Variants in OR7C1 observed in about 807,000 individuals in gnomAD.
OR7C1 encodes the protein olfactory receptor family 7 subfamily C member 1, also known as olfactory receptor 7C1.
For missense variants in OR7C1, 324 were observed against 383.3 expected (o/e 0.85, Z 1.29); for synonymous variants, 152 against 160.7 (o/e 0.95, Z 0.41).
chr19:14,827,742 G>C (rs1336324434), intron 1 of OR7C1: 1 of 1,614,104 alleles, frequency 6.2e-7, no homozygotes, highest in Admixed American at 1.7e-5. Flanking sequence ...TGTGCAGAAG[G>C]ACAGCCGTAC....
chr19:14,815,841 A>G (rs1185580936), intron 1 of OR7C1, among the ~76,000 whole-genome samples: 2 of 150,434 alleles, frequency 1.3e-5, no homozygotes, highest in Non-Finnish European at 3.0e-5. Context: ...GTGTGTGTTG[A>G]GACAAGGTCT....
At chr19:14,802,769 C>T (rs550052471) in intron 2 of OR7C1, among the ~76,000 whole-genome samples, 19 of 152,250 alleles carry the variant, frequency 1.2e-4, no homozygotes, top group Non-Finnish European at 7.4e-5. Flanking sequence ...AAATTTCTCA[C>T]GTATTCCTGG....
In OR7C1 at chr19:14,828,351, T is replaced by G. The variant is rs942854488; in HGVS notation, c.-623+6723A>C. On this transcript the variant is annotated intron_variant, in intron 1 of 4. Transcript: ENST00000641666. ...TTTATATTTTATAGCCAATAAATTA[T>G]CTTACATTTTGTGTATGAATCTGGT... 1.1e-4 allele frequency: 141 copies of G among 1,248,166 alleles called. No individual in the cohort carries two copies. The Middle Eastern group carries it at 1.2e-3, about 11-fold the overall frequency. The allele number at this position is 1,248,166 out of a possible 1,614,324, so 77.3% of individuals were successfully genotyped here. A position where few individuals can be genotyped will look rare whatever the true frequency, so the allele number is the denominator to read the frequency against.
intron 1 of OR7C1, among the ~76,000 whole-genome samples, chr19:14,813,573 G>A (rs1246998742): frequency 2.0e-5 from 3 of 151,918 alleles, no homozygotes; most frequent in Non-Finnish European, 4.4e-5. Context: ...GATACTACCC[G>A]ATACTGGGTA....
At chr19:14,807,360 G>T (rs1481875127) in intron 2 of OR7C1, among the ~76,000 whole-genome samples, 1 of 151,872 alleles carries the variant, frequency 6.6e-6, no homozygotes, top group Non-Finnish European at 1.5e-5. Flanking sequence ...GTGGTCATGT[G>T]TCCAGCTAAG....
chr19:14,799,884 T>A lies in OR7C1; in HGVS notation c.253A>T (p.Ile85Leu), dbSNP rs1380542163. The change falls in exon 5 of 5, where the codon ATA (isoleucine) becomes TTA (leucine). Residue 85 changes from isoleucine (I) to leucine (L), a missense_variant. Ile to Leu is a conservative substitution (Grantham distance 5, BLOSUM62 2). Coordinates refer to ENST00000641666, the Ensembl canonical transcript of OR7C1. ...GTTATGAATTTGTTCTGTGTCAGTATATTCAGTAACATCTTTGGGACAGTC... is the reference window on the plus strand; with the variant it reads ...GTTATGAATTTGTTCTGTGTCAGTAAATTCAGTAACATCTTTGGGACAGTC... 3 of 1,614,166 alleles carry A rather than the reference T, an allele frequency of 1.9e-6. No homozygotes were observed. The African/African-American group carries it at 4.0e-5, about 22-fold the overall frequency.
chr19:14,818,335 C>T (rs566436313), intron 1 of OR7C1, among the ~76,000 whole-genome samples: 92 of 152,148 alleles, frequency 6.0e-4, no homozygotes, highest in African/African-American at 2.1e-3. Flanking sequence ...ACCTCGTGAT[C>T]CGCCCGTCTC....
At chr19:14,821,909 C>A (rs180916189) in intron 1 of OR7C1, among the ~76,000 whole-genome samples, 1 of 152,310 alleles carries the variant, frequency 6.6e-6, no homozygotes, top group Admixed American at 6.5e-5. Context: ...CTTTCTACTT[C>A]TATGAGTTCA....
At chr19:14,829,383 A>C (rs577175170) in intron 1 of OR7C1, among the ~76,000 whole-genome samples, 1 of 152,240 alleles carries the variant, frequency 6.6e-6, no homozygotes, top group South Asian at 2.1e-4. Context: ...TTGTATTTTT[A>C]GTAGAGACGG....
At position 14,800,421 on chromosome 19, in the gene OR7C1, T is replaced by C. The variant is rs1016873026; in HGVS notation, c.-179A>G. 2.8e-6 allele frequency: 1 copy of C among 359,080 alleles called. No homozygotes were observed. Among genetic ancestry groups the C allele is most frequent in the Admixed American group, 4.3e-5 (1 of 23,208 alleles). 22.2% of individuals were successfully genotyped at this position (359,080 alleles called of 1,614,324 possible). A position where few individuals can be genotyped will look rare whatever the true frequency, so the allele number is the denominator to read the frequency against. On this transcript the variant is annotated 5_prime_UTR_variant, in exon 4 of 5. The change abolishes the stop of an existing upstream ORF in the 5' untranslated region. Coordinates refer to ENST00000641666, the Ensembl canonical transcript of OR7C1. ...CCAACAAGATCAACAAGAGTTTCTTTAAATGCAGAATCCCTGGTCAGACCT... is the reference window on the plus strand; with the variant it reads ...CCAACAAGATCAACAAGAGTTTCTTCAAATGCAGAATCCCTGGTCAGACCT...
chr19:14,814,573 AC>A (rs2044707557), intron 1 of OR7C1, among the ~76,000 whole-genome samples: 1 of 151,964 alleles, frequency 6.6e-6, no homozygotes, highest in Non-Finnish European at 1.5e-5. Context: ...AAAGGCACCC[AC>A]CACCATGCCC....
intron 2 of OR7C1, among the ~76,000 whole-genome samples, chr19:14,807,831 G>A (rs1348309048): frequency 2.0e-5 from 3 of 151,554 alleles, no homozygotes; most frequent in Admixed American, 6.6e-5. Flanking sequence ...AGGAGGCGGA[G>A]CTTGCAGTGA....
At chr19:14,805,444 C>G (rs1391189532) in intron 2 of OR7C1, among the ~76,000 whole-genome samples, 1 of 113,200 alleles carries the variant, frequency 8.8e-6, no homozygotes, top group African/African-American at 3.4e-5. Context: ...TAGACAGAAT[C>G]TCACTCTGTC....
chr19:14,814,245 A>G lies in OR7C1; in HGVS notation c.-622-4252T>C, dbSNP rs560647361. Among the ~76,000 whole-genome samples the G allele has an allele frequency of 3.5e-3, 539 of 152,306 alleles. 3 individuals are homozygous for G. The highest frequency in any genetic ancestry group is 0.012 in the African/African-American group (505 of 41,564). On this transcript the variant is annotated intron_variant, in intron 1 of 4. Transcript: ENST00000641666. ...AATGAGCAGAGTGAAAAGACAACCT[A>G]TGGGTTGGCAGGAAACATTCACAAA...
intron 1 of OR7C1, among the ~76,000 whole-genome samples, chr19:14,818,133 AGACTGGAGCGC>A (rs2044724904): frequency 6.6e-6 from 1 of 150,476 alleles, no homozygotes; most frequent in Admixed American, 6.6e-5. Context: ...TCTGTCCCCT[AGACTGGAGCGC>A]AGTAGTGGCA....
intron 1 of OR7C1, among the ~76,000 whole-genome samples, chr19:14,831,325 T>C (rs945364106): frequency 1.3e-5 from 2 of 152,244 alleles, no homozygotes; most frequent in African/African-American, 4.8e-5. Context: ...GACTCATTTT[T>C]TTCTGTGCCT....
intron 1 of OR7C1, among the ~76,000 whole-genome samples, chr19:14,811,986 G>T (rs1284921400): frequency 6.6e-6 from 1 of 151,826 alleles, no homozygotes; most frequent in African/African-American, 2.4e-5. Flanking sequence ...TACTACTGTG[G>T]ACCTATGGGG....
At chr19:14,818,892 T>A (rs1470001527) in intron 1 of OR7C1, among the ~76,000 whole-genome samples, 1 of 152,212 alleles carries the variant, frequency 6.6e-6, no homozygotes, top group African/African-American at 2.4e-5. Context: ...ATTTCCACCT[T>A]ATTTCACACA....
rs763340853 is a variant in OR7C1 at position 14,800,129 on chromosome 19, G to A, written c.8C>T (p.Thr3Ile). ...TTCTTGGGCATGTGTTTGATTTCCT[G>A]TTTCCATGGGGATAAAATAACTGCC... The change falls in exon 5 of 5, where the codon ACA becomes ATA. Residue 3 changes from threonine (T) to isoleucine (I), a missense_variant. Transcript: ENST00000641666. 7.7e-6 allele frequency: 12 copies of A among 1,567,708 alleles called. 1 individual carries two copies. The South Asian group carries it at 1.4e-4, about 19-fold the overall frequency.
Sources: allele counts gnomAD v4.1 joint callset (sites outside exome capture counted in the v4.1 genomes callset), GRCh38; gene constraint gnomAD v4.1.1; transcripts MANE v1.5; gene names NCBI Gene and HGNC (gene_info 2026-07-23, HGNC 2026-07-21).